ATG5: variants seen among roughly 807,000 people sequenced by gnomAD.
ATG5 encodes autophagy protein 5.
In ATG5, 14 loss-of-function variants were observed where a neutral mutation model predicts 36.5. The ratio of observed to expected loss-of-function variants is 0.38; its 90% CI spans 0.25 to 0.60. ATG5 has a LOEUF of 0.60. Ranked by LOEUF, ATG5 falls within the 20% of genes least tolerant of loss-of-function variation. The pLI is 0.60. For synonymous variants in ATG5, 95 were observed against 101.5 expected, an observed-to-expected ratio of 0.94 and a Z score of 0.38; for missense variants, 195 against 326.7, an observed-to-expected ratio of 0.60 and a Z score of 3.11.
At chr6:106,290,907 T>C (rs1562258834) in intron 4 of ATG5, among the ~76,000 whole-genome samples, 1 of 152,238 alleles carries the variant, frequency 6.6e-6, no homozygotes, top group Non-Finnish European at 1.5e-5. Flanking sequence ...CATCATGTTT[T>C]CCAAAATTCA....
chr6:106,197,078 C>A (rs710090), intron 7 of ATG5, among the ~76,000 whole-genome samples: 6,536 of 152,158 alleles, frequency 0.043, 386 homozygotes, highest in East Asian at 0.25. Context: ...TGTTAGGGGA[C>A]AGATCATTAC....
Position 106,308,495 on chromosome 6 carries a change from A to C in ATG5, c.109-4T>G. The C allele has an allele frequency of 6.5e-7, 1 of 1,546,752 alleles. No homozygotes were observed. The highest frequency in any genetic ancestry group is 8.7e-7 in the Non-Finnish European group (1 of 1,149,802). On this transcript the variant is annotated splice_polypyrimidine_tract_variant and splice_region_variant and intron_variant, in intron 2 of 7. Coordinates refer to ENST00000369076, the MANE Select transcript of ATG5 (RefSeq NM_004849.4). ...AACTTACTCTTGGCAAAAGCAACTG[A>C]AATGAAAATTTGTAAAACCGTATTT... is the stretch of plus-strand genomic sequence containing the variant.
At chr6:106,281,273 T>C (rs1396389217) in intron 4 of ATG5, among the ~76,000 whole-genome samples, 1 of 152,154 alleles carries the variant, frequency 6.6e-6, no homozygotes, top group African/African-American at 2.4e-5. Flanking sequence ...GTTTTGACAA[T>C]GAGTAACTGT....
chr6:106,231,102 C>T (rs1388495524), intron 6 of ATG5, among the ~76,000 whole-genome samples: 1 of 152,060 alleles, frequency 6.6e-6, no homozygotes, highest in Non-Finnish European at 1.5e-5. Flanking sequence ...GCCAATATTC[C>T]CCGATTATGC....
At chr6:106,225,235 G>T (rs1777409423) in intron 6 of ATG5, among the ~76,000 whole-genome samples, 1 of 152,188 alleles carries the variant, frequency 6.6e-6, no homozygotes. Context: ...TATAAACTCA[G>T]AACTGCCTAA....
At chr6:106,210,023 C>CA (rs1259208648) in intron 6 of ATG5, among the ~76,000 whole-genome samples, 3 of 152,148 alleles carry the variant, frequency 2.0e-5, no homozygotes, top group Non-Finnish European at 2.9e-5. Flanking sequence ...CCAAGTGATT[C>CA]ATGTTTAAAG....
At chr6:106,280,067 A>C (rs1279255450) in intron 4 of ATG5, among the ~76,000 whole-genome samples, 1 of 152,110 alleles carries the variant, frequency 6.6e-6, no homozygotes, top group African/African-American at 2.4e-5. Context: ...AAAGGGTAAT[A>C]ATCTGAAAAA....
At chr6:106,202,117 A>G (rs773158138) in intron 6 of ATG5, 28 bp from the exon 7 acceptor site, 1 of 1,573,196 alleles carries the variant, frequency 6.4e-7, no homozygotes. Flanking sequence ...AAATGATTCA[A>G]GCAATTAAGT....
intron 6 of ATG5, among the ~76,000 whole-genome samples, chr6:106,236,666 A>G (rs181612439): frequency 1.3e-5 from 2 of 152,336 alleles, no homozygotes; most frequent in Admixed American, 1.3e-4. Context: ...ATTTGTAACT[A>G]AAGGTGCTTT....
Position 106,204,019 on chromosome 6 carries a change from C to G in ATG5, c.574-1930G>C, listed in dbSNP as rs143494459. Among the ~76,000 whole-genome samples, 256 of 152,194 alleles carry G rather than the reference C, an allele frequency of 1.7e-3. 1 individual carries two copies. The highest frequency in any genetic ancestry group is 5.6e-3 in the African/African-American group (233 of 41,518). ...TCATGTTCTCACTCACAACTGGGAG[C>G]TGAACAACGAGAACACATGGACACA... On this transcript the variant is annotated intron_variant, in intron 6 of 7. Transcript: ENST00000369076.
At chr6:106,248,360 T>C (rs548343209) in intron 5 of ATG5, 116 bp from the exon 6 acceptor site, 4 of 592,578 alleles carry the variant, frequency 6.8e-6, no homozygotes, top group Non-Finnish European at 1.1e-5. Flanking sequence ...GGACATCACA[T>C]ATATTTTCTT....
chr6:106,224,796 G>A (rs574034983), intron 6 of ATG5, among the ~76,000 whole-genome samples: 52 of 152,246 alleles, frequency 3.4e-4, no homozygotes, highest in African/African-American at 1.1e-3. Context: ...TAGGAGAATC[G>A]CTTGAACCCG....
chr6:106,281,685 T>C (rs1302832374), intron 4 of ATG5, among the ~76,000 whole-genome samples: 2 of 152,226 alleles, frequency 1.3e-5, no homozygotes, highest in South Asian at 2.1e-4. Context: ...TTCTTGGGTA[T>C]ACAGCTGGAA....
At chr6:106,251,057 G>A (rs1457787949) in intron 5 of ATG5, among the ~76,000 whole-genome samples, 2 of 152,214 alleles carry the variant, frequency 1.3e-5, no homozygotes, top group African/African-American at 4.8e-5. Flanking sequence ...ACAGAATCTA[G>A]CACTCCAAAG....
rs551483825 is a variant in ATG5, at chr6:106,309,412, T to C, written c.109-921A>G. Among the ~76,000 whole-genome samples the C allele has an allele frequency of 2.7e-4, 41 of 152,240 alleles. 1 individual carries two copies. The Middle Eastern group carries it at 0.017, about 63-fold the overall frequency. On this transcript the variant is annotated intron_variant, in intron 2 of 7. Transcript: ENST00000369076. ...ACTAGGTAGGAGAACGTGACATTGA[T>C]CCTAGGGGCTACAGAATACAGGGGT...
Position 106,254,887 on chromosome 6 carries a change from T to A in ATG5, c.479-6643A>T, listed in dbSNP as rs375967350. Among the ~76,000 whole-genome samples, 12 of 152,364 alleles carry A rather than the reference T, an allele frequency of 7.9e-5. No homozygotes were observed. In the South Asian group the frequency reaches 2.3e-3, roughly 29 times the overall value. The stretch of plus-strand genomic sequence containing the variant: ...CTCACATCAAATTCTATGTGAATGT[T>A]GCCTGTTGGAGTTATGCAATTGAGC... On this transcript the variant is annotated intron_variant, in intron 5 of 7. Coordinates refer to ENST00000369076, the MANE Select transcript of ATG5 (RefSeq NM_004849.4).
At chr6:106,218,159 T>A (rs1411058672) in intron 6 of ATG5, among the ~76,000 whole-genome samples, 1 of 152,200 alleles carries the variant, frequency 6.6e-6, no homozygotes, top group Non-Finnish European at 1.5e-5. Flanking sequence ...GAGGGTATAC[T>A]GTAGTTACAA....
chr6:106,212,460 G>C (rs1051538018), intron 6 of ATG5, among the ~76,000 whole-genome samples: 1 of 152,152 alleles, frequency 6.6e-6, no homozygotes, highest in African/African-American at 2.4e-5. Flanking sequence ...GGCCAATATG[G>C]TGAACCCGTC....
intron 6 of ATG5, among the ~76,000 whole-genome samples, chr6:106,243,522 T>A (rs1472347623): frequency 9.5e-6 from 1 of 104,932 alleles, no homozygotes; most frequent in Non-Finnish European, 1.8e-5. Flanking sequence ...AGCAAGACCC[T>A]CTCTGGGGAA....
Sources: allele counts gnomAD v4.1 joint callset (sites outside exome capture counted in the v4.1 genomes callset), GRCh38; gene constraint gnomAD v4.1.1; transcripts MANE v1.5; gene names NCBI Gene and HGNC (gene_info 2026-07-23, HGNC 2026-07-21).